Variants in ZFAND2A observed in about 807,000 individuals in gnomAD.
ZFAND2A encodes zinc finger AN1-type containing 2A, also known as AN1-type zinc finger protein 2A.
Under a neutral mutation model 11.6 loss-of-function variants are expected in ZFAND2A, and 20 were observed. The observed-to-expected ratio is 1.72, with a 90% CI of 1.21 to 2.50. ZFAND2A has a LOEUF of 2.50. Ranked by LOEUF, ZFAND2A falls within the 30% of genes most tolerant of loss-of-function variation. The pLI, the probability that ZFAND2A is intolerant of heterozygous loss-of-function variation, is 0.00. For missense variants in ZFAND2A, 234 were observed against 182.9 expected (o/e 1.28, Z -1.61); for synonymous variants, 93 against 60.6 (o/e 1.54, Z -2.48).
rs1793561097 is a variant in ZFAND2A at position 1,157,649 on chromosome 7, CA to C, written c.150+6del. 1.3e-6 allele frequency: 2 copies of C among 1,575,686 alleles called. No homozygotes were observed. The highest frequency in any genetic ancestry group is 2.8e-5 in the African/African-American group (2 of 72,696). On this transcript the variant is annotated splice_donor_region_variant and intron_variant, in intron 3 of 4. Coordinates refer to ENST00000316495, the MANE Select transcript of ZFAND2A (RefSeq NM_182491.4). ...GATGAGAATCTTTTGAACAAAGGAT[CA>C]ATTACCTTCTGGAATGCAAACGGAC...
chr7:1,159,729 A>G (rs7458082), intron 1 of ZFAND2A, among the ~76,000 whole-genome samples: 376 of 25,964 alleles, frequency 0.014, 59 homozygotes, highest in Non-Finnish European at 0.018. Context: ...CGGACCCCCA[A>G]CAGCCAGACC....
intron 1 of ZFAND2A, among the ~76,000 whole-genome samples, 155 bp downstream of exon 1, chr7:1,159,809 G>A (rs1793639490): frequency 1.9e-5 from 2 of 104,158 alleles, no homozygotes; most frequent in African/African-American, 6.4e-5. Context: ...CCGGTCCCCA[G>A]CAGACAGGCC....
chr7:1,150,887 C>CTTTTTCT (rs1449089156), downstream of ZFAND2A, among the ~76,000 whole-genome samples: 14 of 128,108 alleles, frequency 1.1e-4, no homozygotes, highest in Admixed American at 9.2e-4. Flanking sequence ...ACAACTGTGC[C>CTTTTTCT]TTTTTTTTTT....
chr7:1,151,549 G>T (rs1449146999), downstream of ZFAND2A, among the ~76,000 whole-genome samples: 1 of 151,992 alleles, frequency 6.6e-6, no homozygotes, highest in African/African-American at 2.4e-5. Context: ...CCTAGTTTGT[G>T]TATTTCAGTG....
At chr7:1,152,161 T>C (rs1158422465), downstream of ZFAND2A, 7 of 1,444,696 alleles carry the variant, frequency 4.8e-6, no homozygotes, top group Non-Finnish European at 5.5e-6. Context: ...CGCGTCACAC[T>C]GTGCAGTTAC....
chr7:1,149,158 T>TCC (rs2128256395), downstream of ZFAND2A, among the ~76,000 whole-genome samples: 1 of 152,240 alleles, frequency 6.6e-6, no homozygotes, highest in Non-Finnish European at 1.5e-5. Context: ...CTTTAAAAAT[T>TCC]AAAAACATTT....
downstream of ZFAND2A, among the ~76,000 whole-genome samples, chr7:1,150,884 TGCC>T (rs1793385112): frequency 7.0e-6 from 1 of 142,634 alleles, no homozygotes; most frequent in Non-Finnish European, 1.5e-5. Context: ...CTGACAACTG[TGCC>T]TTTTTTTTTT....
At chr7:1,159,345 G>A (rs1301372530) in intron 1 of ZFAND2A, among the ~76,000 whole-genome samples, 2 of 152,228 alleles carry the variant, frequency 1.3e-5, no homozygotes, top group African/African-American at 2.4e-5. Context: ...CGGGCCCGCA[G>A]CAAGAAAACA....
At chr7:1,158,015 G>T in intron 2 of ZFAND2A, 143 bp downstream of exon 2, 2 of 873,942 alleles carry the variant, frequency 2.3e-6, no homozygotes, top group Non-Finnish European at 1.8e-6. Context: ...TGGATGCTAA[G>T]TGTCAAACAG....
At chr7:1,149,341 G>A (rs1200530020), downstream of ZFAND2A, among the ~76,000 whole-genome samples, 4 of 152,176 alleles carry the variant, frequency 2.6e-5, no homozygotes, top group Non-Finnish European at 5.9e-5. Context: ...TGCTGCAGAC[G>A]CAGGGAAGTG....
At chr7:1,158,036 A>AG (rs1361016001) in intron 2 of ZFAND2A, 122 bp downstream of exon 2, 2 of 1,014,828 alleles carry the variant, frequency 2.0e-6, no homozygotes, top group African/African-American at 3.2e-5. Context: ...AACCTGCACC[A>AG]GCACAGTTCC....
rs539493777 is a variant in ZFAND2A at position 1,156,728 on chromosome 7, C to T, written c.150+928G>A. Among the ~76,000 whole-genome samples the T allele has an allele frequency of 5.9e-5, 9 of 152,362 alleles. No homozygotes were observed. In the South Asian group the frequency reaches 1.7e-3, roughly 28 times the overall value. ...TGGCAGGTGCTCACGGAATTATGAG[C>T]ACACCCGTCTACAGCCCGAGCTGGG... On this transcript the variant is annotated intron_variant, in intron 3 of 4. Coordinates refer to ENST00000316495, the MANE Select transcript of ZFAND2A (RefSeq NM_182491.4).
rs145934901 is a variant in ZFAND2A, at chr7:1,155,514, A to G, written c.221T>C (p.Val74Ala). 3.1e-6 allele frequency: 5 copies of G among 1,613,864 alleles called. No homozygotes were observed. The Admixed American group carries it at 8.3e-5, about 27-fold the overall frequency. The change falls in exon 4 of 5, where the codon GTG (valine) becomes GCG (alanine). Residue 74 changes from valine (V) to alanine (A), a missense_variant. Physicochemically the swap from Val to Ala is moderately conservative, Grantham distance 64 (BLOSUM62 0). Coordinates refer to ENST00000316495, the MANE Select transcript of ZFAND2A (RefSeq NM_182491.4). ...TCTGTCAATGTGATCACCAACCACCACGTCTGGTATCTGGCCCTTTTTTAC... is the reference window on the plus strand; with the variant it reads ...TCTGTCAATGTGATCACCAACCACCGCGTCTGGTATCTGGCCCTTTTTTAC... Reference protein sequence around the residue: ...IPVKKGQIPDVVVGDHIDRDC... With the variant: ...IPVKKGQIPDAVVGDHIDRDC...
chr7:1,159,340 C>T, intron 1 of ZFAND2A, among the ~76,000 whole-genome samples: 1 of 152,250 alleles, frequency 6.6e-6, no homozygotes, highest in East Asian at 1.9e-4. Flanking sequence ...CGGGCCGGGC[C>T]CGCAGCAAGA....
intron 1 of ZFAND2A, among the ~76,000 whole-genome samples, chr7:1,159,122 G>A (rs1380010658): frequency 1.3e-5 from 2 of 152,056 alleles, no homozygotes; most frequent in Non-Finnish European, 2.9e-5. Flanking sequence ...GCTACTTAAG[G>A]TGCCCATTAG....
intron 2 of ZFAND2A, 75 bp downstream of exon 2, chr7:1,158,083 T>G: frequency 7.1e-7 from 1 of 1,418,416 alleles, no homozygotes; most frequent in Non-Finnish European, 9.9e-7. Context: ...GACACAATTA[T>G]CAGCTAATTA....
Position 1,153,065 on chromosome 7 carries a change from C to A in ZFAND2A, c.*4G>T, listed in dbSNP as rs761834121. On this transcript the variant is annotated 3_prime_UTR_variant, in exon 5 of 5. Coordinates refer to ENST00000316495, the MANE Select transcript of ZFAND2A (RefSeq NM_182491.4). ...GCTCCGAGCCATCGCAGCGGAGTCTCTTCTCACCCAGCTTTGATGGTGGGG... is the reference window on the plus strand; with the variant it reads ...GCTCCGAGCCATCGCAGCGGAGTCTATTCTCACCCAGCTTTGATGGTGGGG... The A allele has an allele frequency of 3.1e-6, 5 of 1,614,048 alleles. No individual in the cohort carries two copies. The highest frequency in any genetic ancestry group is 4.2e-6 in the Non-Finnish European group (5 of 1,180,036).
chr7:1,153,315 T>C (rs1793444361), intron 4 of ZFAND2A, 91 bp from the exon 5 acceptor site: 3 of 1,431,262 alleles, frequency 2.1e-6, no homozygotes, highest in Admixed American at 3.9e-5. Context: ...TGGCTTGATC[T>C]TGGCTCACTG....
At chr7:1,156,716 C>G (rs1049516535) in intron 3 of ZFAND2A, among the ~76,000 whole-genome samples, 1 of 152,216 alleles carries the variant, frequency 6.6e-6, no homozygotes, top group Non-Finnish European at 1.5e-5. Context: ...CAGGTGCTCA[C>G]GGAATTATGA....
Sources: gnomAD v4.1 joint callset for allele counts (sites outside exome capture counted in the v4.1 genomes callset) on GRCh38, gnomAD v4.1.1 for gene constraint, MANE v1.5 for transcripts, NCBI Gene and HGNC (gene_info 2026-07-23, HGNC 2026-07-21) for gene names.